The following ANKH variants were observed in gnomAD, a reference collection of about 807,000 sequenced individuals.
ANKH encodes the protein ANKH inorganic pyrophosphate transport regulator.
In ANKH, 15 loss-of-function variants were observed where a neutral mutation model predicts 49.0. The observed-to-expected ratio is 0.31, with a 90% CI of 0.20 to 0.47. The LOEUF is 0.47. Among genes scored for constraint, ANKH ranks in the 20% least tolerant of loss-of-function variants. The pLI, the probability that ANKH is intolerant of heterozygous loss-of-function variation, is 1.00. For missense variants in ANKH, 429 were observed against 652.0 expected (o/e 0.66, Z 3.72); for synonymous variants, 273 against 260.0 (o/e 1.05, Z -0.48).
At chr5:14,817,186 C>G (rs1327828590) in intron 1 of ANKH, among the ~76,000 whole-genome samples, 1 of 152,144 alleles carries the variant, frequency 6.6e-6, no homozygotes, top group African/African-American at 2.4e-5. Context: ...TCAAAGCTTA[C>G]TGATTCTGTT....
At chr5:14,855,410 T>G (rs1580119798) in intron 1 of ANKH, among the ~76,000 whole-genome samples, 1 of 152,186 alleles carries the variant, frequency 6.6e-6, no homozygotes, top group African/African-American at 2.4e-5. Flanking sequence ...CAAGAAACAT[T>G]TGTTGAATGA....
rs55728743 is a variant in ANKH at position 14,812,117 on chromosome 5, T to TA, written c.97-42927dup. On this transcript the variant is annotated intron_variant, in intron 1 of 11. Coordinates refer to ENST00000284268, the MANE Select transcript of ANKH (RefSeq NM_054027.6). ...AAGGTAGTTGTTTCTGTATTTATCT[T>TA]AAAAAAAAAAAAAAAAAAAAAAGAA... 6.1e-3 allele frequency among the ~76,000 whole-genome samples: 770 copies of TA among 126,492 alleles called. 4 individuals carry two copies. Among genetic ancestry groups the TA allele is most frequent in the African/African-American group, 0.015 (486 of 33,210 alleles). 83.0% of individuals were successfully genotyped at this position (126,492 alleles called of 152,430 possible). A position where few individuals can be genotyped will look rare whatever the true frequency, so the allele number is the denominator to read the frequency against.
At position 14,755,810 on chromosome 5, in the gene ANKH, C is replaced by T. The variant is rs147581833; in HGVS notation, c.516+51G>A. ...ATATAAATCACACATCAGTTACACA[C>T]GCCAGAAGGGGACTCTGAGGAGCTC... On this transcript the variant is annotated intron_variant, in intron 4 of 11. Transcript: ENST00000284268. The T allele has an allele frequency of 5.7e-3, 8,723 of 1,535,140 alleles. 39 individuals are homozygous for T. The highest frequency in any genetic ancestry group is 7.0e-3 in the Non-Finnish European group (7,716 of 1,108,298).
At chr5:14,789,965 C>T (rs1274985117) in intron 1 of ANKH, among the ~76,000 whole-genome samples, 3 of 152,212 alleles carry the variant, frequency 2.0e-5, no homozygotes, top group Non-Finnish European at 4.4e-5. Flanking sequence ...CCGCCTCGGC[C>T]TCCCAAAGTG....
chr5:14,771,500 A>G (rs948500470), intron 1 of ANKH, among the ~76,000 whole-genome samples: 1 of 152,186 alleles, frequency 6.6e-6, no homozygotes, highest in Non-Finnish European at 1.5e-5. Context: ...CTCAGTAAAC[A>G]GGGTTTAGGT....
chr5:14,711,141 A>C lies in ANKH; in HGVS notation c.*56T>G, dbSNP rs1737170013. On this transcript the variant is annotated 3_prime_UTR_variant, in exon 12 of 12. Transcript: ENST00000284268. ...AATACGATGGGAGAGGGAAGAGATG[A>C]TGCCGAAGTGTCATCCTGACTGACT... 1 of 1,399,618 alleles carries C rather than the reference A, an allele frequency of 7.1e-7. No homozygotes were observed. The highest frequency in any genetic ancestry group is 1.4e-5 in the African/African-American group (1 of 70,794). The allele number at this position is 1,399,618 out of a possible 1,614,324, so 86.7% of individuals were successfully genotyped here.
At chr5:14,842,206 C>T (rs1021094409) in intron 1 of ANKH, among the ~76,000 whole-genome samples, 1 of 152,200 alleles carries the variant, frequency 6.6e-6, no homozygotes, top group Non-Finnish European at 1.5e-5. Context: ...AGGGTCCTCT[C>T]TATAATATTG....
At chr5:14,750,714 T>C (rs31934) in intron 5 of ANKH, among the ~76,000 whole-genome samples, 87,685 of 152,016 alleles carry the variant, frequency 0.58, 26,897 homozygotes, top group South Asian at 0.79. Context: ...CAATGAAATA[T>C]AAACTCAAAG....
intron 4 of ANKH, among the ~76,000 whole-genome samples, chr5:14,755,111 T>C (rs1313250738): frequency 6.7e-6 from 1 of 150,224 alleles, no homozygotes; most frequent in Admixed American, 6.6e-5. Flanking sequence ...TTTAGAGATA[T>C]AGTCTAACCT....
Position 14,711,224 on chromosome 5 carries a change from G to C in ANKH, c.1452C>G (p.Ile484Met), listed in dbSNP as rs374610746. Reference protein sequence around the residue: ...DMPPTEEVTDIVEMREENE With the variant: ...DMPPTEEVTDMVEMREENE ...ATTCATTCTCCTCTCTCATTTCCAC[G>C]ATGTCTGTCACCTCCTCTGTCGGAG... Residue 484 changes from isoleucine to methionine, a missense_variant, in exon 12 of 12, where the codon ATC becomes ATG. By Grantham distance (10) the Ile-to-Met change is conservative. Transcript: ENST00000284268. The C allele has an allele frequency of 1.9e-6, 3 of 1,614,042 alleles. No homozygotes were observed. The highest frequency in any genetic ancestry group is 2.2e-5 in the South Asian group (2 of 91,076).
At position 14,865,018 on chromosome 5, in the gene ANKH, T is replaced by C. The variant is rs148746760; in HGVS notation, c.96+6334A>G. On this transcript the variant is annotated intron_variant, in intron 1 of 11. Transcript: ENST00000284268. ...GCTCACGCCTGTAATCCCAGCACTT[T>C]GGGAGGCCGAGGCAGGGGGACGACC... Among the ~76,000 whole-genome samples, 453 of 152,324 alleles carry C rather than the reference T, an allele frequency of 3.0e-3. 4 individuals are homozygous for C. The highest frequency in any genetic ancestry group is 0.014 in the Middle Eastern group (4 of 294).
At chr5:14,801,508 C>A (rs1740565990) in intron 1 of ANKH, among the ~76,000 whole-genome samples, 1 of 152,216 alleles carries the variant, frequency 6.6e-6, no homozygotes, top group East Asian at 1.9e-4. Flanking sequence ...CAAAATTAAA[C>A]TCTTTCTCTT....
intron 3 of ANKH, among the ~76,000 whole-genome samples, chr5:14,757,837 T>C (rs759019597): frequency 2.0e-5 from 3 of 152,208 alleles, no homozygotes; most frequent in Non-Finnish European, 2.9e-5. Context: ...AGTACTCTGA[T>C]GGTGGTATAG....
intron 1 of ANKH, among the ~76,000 whole-genome samples, chr5:14,820,539 T>C (rs1022991638): frequency 2.0e-5 from 3 of 152,112 alleles, no homozygotes; most frequent in African/African-American, 7.2e-5. Context: ...ATTAGGGAGA[T>C]TCTTACAAAA....
Position 14,711,078 on chromosome 5 carries a change from T to C in ANKH, c.*119A>G. On this transcript the variant is annotated 3_prime_UTR_variant, in exon 12 of 12. Transcript: ENST00000284268. The stretch of plus-strand genomic sequence containing the variant: ...GACACGAAACCTTTAAATCAAGGCC[T>C]CTTTCATTACCAAAACAAAACAAAA... 1 of 902,632 alleles carries C rather than the reference T, an allele frequency of 1.1e-6. No homozygotes were observed. Among genetic ancestry groups the C allele is most frequent in the Non-Finnish European group, 1.8e-6 (1 of 540,578 alleles). The allele number at this position is 902,632 out of a possible 1,614,324, so 55.9% of individuals were successfully genotyped here.
chr5:14,749,674 G>C (rs1168519859), intron 5 of ANKH, among the ~76,000 whole-genome samples: 2 of 152,236 alleles, frequency 1.3e-5, no homozygotes, highest in Admixed American at 6.5e-5. Context: ...AAATGGACTG[G>C]CTGGAAGCCA....
Position 14,709,310 on chromosome 5 carries a change from T to G in ANKH, c.*1887A>C, listed in dbSNP as rs1280532162. The G allele has an allele frequency of 7.4e-5, 11 of 149,354 alleles. No individual in the cohort carries two copies. Among genetic ancestry groups the G allele is most frequent in the African/African-American group, 2.6e-4 (10 of 39,006 alleles). The allele number at this position is 149,354 out of a possible 1,614,324, so 9.3% of individuals were successfully genotyped here. On this transcript the variant is annotated 3_prime_UTR_variant, in exon 12 of 12. Coordinates refer to ENST00000284268, the MANE Select transcript of ANKH (RefSeq NM_054027.6). Reference sequence around the variant, plus strand: ...TTTAAAAAAAGCTGATACATTGAGATTTTTTTTTAATCTTCTCAGATCTGC... The same window carrying G: ...TTTAAAAAAAGCTGATACATTGAGAGTTTTTTTTAATCTTCTCAGATCTGC...
chr5:14,737,440 C>T lies in ANKH; in HGVS notation c.1011+4387G>A, dbSNP rs73048843. ...CTCTCTTGTGAGCTCACTGCTGCCT[C>T]AGCCTGTGGCTCCAGGAGTGTCTAC... On this transcript the variant is annotated intron_variant, in intron 8 of 11. Transcript: ENST00000284268. The surrounding 1 kb of genome is among the most constrained non-coding windows in gnomAD (Gnocchi z 5.0). 8.9e-4 allele frequency among the ~76,000 whole-genome samples: 136 copies of T among 152,332 alleles called. 1 individual carries two copies. The highest frequency in any genetic ancestry group is 3.1e-3 in the African/African-American group (130 of 41,586).
intron 1 of ANKH, among the ~76,000 whole-genome samples, chr5:14,796,813 C>T (rs1740405340): frequency 6.6e-6 from 1 of 152,124 alleles, no homozygotes; most frequent in African/African-American, 2.4e-5. Context: ...TTAAATGAGT[C>T]CAAAAAACTT....
Sources: gnomAD v4.1 joint callset for allele counts (sites outside exome capture counted in the v4.1 genomes callset) on GRCh38, gnomAD v4.1.1 for gene constraint, Gnocchi (gnomAD v3.1) non-coding constraint, MANE v1.5 for transcripts, NCBI Gene and HGNC (gene_info 2026-07-23, HGNC 2026-07-21) for gene names.